The following TMEM184B variants were observed in gnomAD, a reference collection of about 807,000 sequenced individuals.
The protein encoded by TMEM184B is putative MAPK-activating protein FM08.
Under a neutral mutation model 41.8 loss-of-function variants are expected in TMEM184B, and 17 were observed. The observed-to-expected ratio is 0.41, with a 90% CI of 0.28 to 0.61. The LOEUF (loss-of-function observed/expected upper bound fraction) is 0.61. Among genes scored for constraint, TMEM184B ranks in the 20% least tolerant of loss-of-function variants. The pLI is 0.34. For synonymous variants in TMEM184B, 240 were observed against 229.5 expected, an observed-to-expected ratio of 1.05 and a Z score of -0.41; for missense variants, 393 against 557.8, an observed-to-expected ratio of 0.70 and a Z score of 2.98.
chr22:38,260,284 G>C (rs2092351825), intron 1 of TMEM184B, among the ~76,000 whole-genome samples: 1 of 152,064 alleles, frequency 6.6e-6, no homozygotes, highest in East Asian at 1.9e-4. Flanking sequence ...TCGAACTCCT[G>C]ACCTCAAGTG....
Position 38,235,514 on chromosome 22 carries a change from A to C in TMEM184B, c.359-4180T>G, listed in dbSNP as rs149843263. On this transcript the variant is annotated intron_variant, in intron 3 of 8. Coordinates refer to ENST00000361906, the MANE Select transcript of TMEM184B (RefSeq NM_012264.5). Reference sequence around the variant, plus strand: ...ATCATCAAATGTCATCATCCCTCTCAGTTCAAGATTCTTGACCTTTTGGAG... The same window carrying C: ...ATCATCAAATGTCATCATCCCTCTCCGTTCAAGATTCTTGACCTTTTGGAG... Among the ~76,000 whole-genome samples, 655 of 152,330 alleles carry C rather than the reference A, an allele frequency of 4.3e-3. 5 individuals carry two copies. The highest frequency in any genetic ancestry group is 0.015 in the African/African-American group (609 of 41,580).
rs1268237616 is a variant in TMEM184B at position 38,226,087 on chromosome 22, T to G, written c.618-494A>C. ...TAGACACATGGTCACTTTTTTTTTT[T>G]TTTTTTTTAGATATGGAGTTTTGTT... On this transcript the variant is annotated intron_variant, in intron 6 of 8. Transcript: ENST00000361906. This position sits in a 1 kb window ranked among gnomAD's most constrained non-coding sequence, Gnocchi z 4.6. Among the ~76,000 whole-genome samples the G allele has an allele frequency of 2.1e-4, 32 of 151,938 alleles. No individual in the cohort carries two copies. The highest frequency in any genetic ancestry group is 1.8e-4 in the Non-Finnish European group (12 of 67,950).
chr22:38,230,684 C>T lies in TMEM184B; in HGVS notation c.510G>A (p.Leu170=), dbSNP rs994885953. ...LWGKTYSIGF[L]RFCKQATLQF... is the part of the protein sequence containing the mutation. ...GGGCACACACCTGTTTGCAGAACCT[C>T]AGAAATCCGATGGAATAAGTCTTTC... is the stretch of plus-strand genomic sequence containing the variant. Residue 170 remains leucine (L), a synonymous_variant, in exon 5 of 9, where the codon CTG becomes CTA. Transcript: ENST00000361906. The T allele has an allele frequency of 1.9e-6, 3 of 1,611,572 alleles. No individual in the cohort carries two copies. The highest frequency in any genetic ancestry group is 2.5e-6 in the Non-Finnish European group (3 of 1,179,052).
intron 3 of TMEM184B, 40 bp downstream of exon 3, chr22:38,245,895 A>G: frequency 5.3e-6 from 2 of 380,696 alleles, no homozygotes; most frequent in Non-Finnish European, 4.6e-6. Flanking sequence ...CCAGCCCCCC[A>G]GCCCCCCGCC....
At chr22:38,218,596 G>A (rs915950838), downstream of TMEM184B, among the ~76,000 whole-genome samples, 3 of 152,172 alleles carry the variant, frequency 2.0e-5, no homozygotes, top group African/African-American at 7.2e-5. Context: ...TCCGGGAAAG[G>A]GCCAGATCAC....
At position 38,226,951 on chromosome 22, in the gene TMEM184B, T is replaced by G. The variant is rs1048579708; in HGVS notation, c.526-81A>C. ...AAGCCCTGCCTCTGGCAGACGGAAC[T>G]GTACCGGATGGAGGGACAGAGAGGA... is the stretch of plus-strand genomic sequence containing the variant. On this transcript the variant is annotated intron_variant, in intron 5 of 8. Coordinates refer to ENST00000361906, the MANE Select transcript of TMEM184B (RefSeq NM_012264.5). The surrounding 1 kb of genome is among the most constrained non-coding windows in gnomAD (Gnocchi z 4.6). The G allele has an allele frequency of 7.2e-6, 10 of 1,386,240 alleles. No homozygotes were observed. Among genetic ancestry groups the G allele is most frequent in the African/African-American group, 1.4e-5 (1 of 69,782 alleles). The allele number at this position is 1,386,240 out of a possible 1,614,324, so 85.9% of individuals were successfully genotyped here. A position where few individuals can be genotyped will look rare whatever the true frequency, so the allele number is the denominator to read the frequency against.
At chr22:38,221,802 C>A (rs914362795) in intron 8 of TMEM184B, 92 bp from the exon 9 acceptor site, 3 of 1,515,904 alleles carry the variant, frequency 2.0e-6, no homozygotes, top group East Asian at 2.3e-5. Context: ...GGGACAGACA[C>A]CCCCCAACCC....
intron 3 of TMEM184B, among the ~76,000 whole-genome samples, chr22:38,242,773 G>T (rs542074124): frequency 6.6e-6 from 1 of 151,980 alleles, no homozygotes; most frequent in Non-Finnish European, 1.5e-5. Context: ...GCTAAAAGCT[G>T]GTGAACTTGG....
intron 1 of TMEM184B, among the ~76,000 whole-genome samples, chr22:38,267,196 G>C (rs1440025157): frequency 6.6e-6 from 1 of 152,144 alleles, no homozygotes; most frequent in Non-Finnish European, 1.5e-5. Flanking sequence ...TCACTTAGTG[G>C]GATGTGACTT....
At chr22:38,251,076 T>C (rs961742504) in intron 1 of TMEM184B, among the ~76,000 whole-genome samples, 4 of 152,048 alleles carry the variant, frequency 2.6e-5, no homozygotes, top group Non-Finnish European at 5.9e-5. Flanking sequence ...TAACAAGACA[T>C]GGCCATACCC....
At chr22:38,253,125 G>C in intron 1 of TMEM184B, among the ~76,000 whole-genome samples, 1 of 152,194 alleles carries the variant, frequency 6.6e-6, no homozygotes, top group Non-Finnish European at 1.5e-5. Flanking sequence ...CTGGGTGACA[G>C]AGCCAGACGC....
intron 3 of TMEM184B, among the ~76,000 whole-genome samples, chr22:38,237,484 C>T (rs1337373323): frequency 6.6e-6 from 1 of 152,270 alleles, no homozygotes; most frequent in African/African-American, 2.4e-5. Context: ...ACCTTCAGCG[C>T]CTAAAGCTGG....
chr22:38,267,569 T>A (rs2092461957), intron 1 of TMEM184B, among the ~76,000 whole-genome samples: 1 of 151,576 alleles, frequency 6.6e-6, no homozygotes, highest in South Asian at 2.1e-4. Context: ...AGTAGCTGGG[T>A]TTACAGGCAC....
At chr22:38,218,284 A>G (rs138126055), downstream of TMEM184B, among the ~76,000 whole-genome samples, 2,325 of 152,250 alleles carry the variant, frequency 0.015, 63 homozygotes, top group African/African-American at 0.053. Context: ...AGTGGAGTAT[A>G]CTGTGGTCTG....
intron 3 of TMEM184B, among the ~76,000 whole-genome samples, chr22:38,241,299 T>C (rs1444195213): frequency 2.6e-5 from 4 of 152,108 alleles, no homozygotes; most frequent in African/African-American, 4.8e-5. Context: ...TCAACTGAAG[T>C]ATTTAGGAAT....
intron 1 of TMEM184B, among the ~76,000 whole-genome samples, chr22:38,261,614 T>A (rs2092369596): frequency 6.6e-6 from 1 of 152,192 alleles, no homozygotes; most frequent in East Asian, 1.9e-4. Context: ...ATTTTGATGA[T>A]CTCAGTTTTC....
At chr22:38,234,570 TA>T (rs2091721225) in intron 3 of TMEM184B, among the ~76,000 whole-genome samples, 1 of 152,220 alleles carries the variant, frequency 6.6e-6, no homozygotes, top group South Asian at 2.1e-4. Flanking sequence ...ACAGCCATGG[TA>T]AGTGGAATAC....
In TMEM184B at chr22:38,249,744, A is replaced by G. The variant is rs143070437; in HGVS notation, c.-58-1725T>C. ...TATGGGATTTTGTCATAGTGGCTCA[A>G]GAAGACTAAGGCAGGAGCCTGGCTG... On this transcript the variant is annotated intron_variant, in intron 1 of 8. Transcript: ENST00000361906. Among the ~76,000 whole-genome samples, 1,500 of 152,340 alleles carry G rather than the reference A, an allele frequency of 9.8e-3. 32 individuals carry two copies. The highest frequency in any genetic ancestry group is 0.01 in the Non-Finnish European group (685 of 68,040).
intron 1 of TMEM184B, among the ~76,000 whole-genome samples, chr22:38,267,252 G>A (rs2092456937): frequency 6.6e-6 from 1 of 151,982 alleles, no homozygotes; most frequent in African/African-American, 2.4e-5. Context: ...CAGCACAAAG[G>A]CTTTCTGGGT....
Sources: allele counts gnomAD v4.1 joint callset (sites outside exome capture counted in the v4.1 genomes callset), GRCh38; gene constraint gnomAD v4.1.1; non-coding constraint Gnocchi (gnomAD v3.1); transcripts MANE v1.5; gene names NCBI Gene and HGNC (gene_info 2026-07-23, HGNC 2026-07-21).